The following PPM1B variants were observed in gnomAD, a reference collection of about 807,000 sequenced individuals.
PPM1B encodes the protein protein phosphatase 1B.
A neutral mutation model predicts 43.0 loss-of-function variants in PPM1B; 22 were observed. That is an observed-to-expected ratio of 0.51 (90% CI 0.37 to 0.73). PPM1B has a LOEUF of 0.73. Among genes scored for constraint, PPM1B ranks in the 30% least tolerant of loss-of-function variants. The pLI is 0.00. For synonymous variants in PPM1B, 217 were observed against 197.9 expected, an observed-to-expected ratio of 1.10 and a Z score of -0.81; for missense variants, 632 against 584.2, an observed-to-expected ratio of 1.08 and a Z score of -0.84.
At chr2:44,179,864 C>G (rs1422340194) in intron 1 of PPM1B, among the ~76,000 whole-genome samples, 2 of 151,952 alleles carry the variant, frequency 1.3e-5, no homozygotes, top group Non-Finnish European at 2.9e-5. Flanking sequence ...CAAAAATTAG[C>G]CAGGTGTGGT....
In PPM1B at chr2:44,201,456, G is replaced by C. The variant is rs1264938033; in HGVS notation, c.257G>C (p.Arg86Thr). The C allele has an allele frequency of 1.2e-6, 2 of 1,614,154 alleles. No homozygotes were observed. Among genetic ancestry groups the C allele is most frequent in the South Asian group, 2.2e-5 (2 of 91,086 alleles). ...CACATCACTACTAACGAAGACTTTA[G>C]GGCAGCTGGAAAATCAGGATCTGCT... The part of the protein sequence containing the change: ...LEHITTNEDF[R>T]AAGKSGSALE... The change falls in exon 2 of 6, where the codon AGG (arginine) becomes ACG (threonine). Residue 86 changes from arginine to threonine, a missense_variant. Arg to Thr is a moderately conservative substitution (Grantham distance 71). Transcript: ENST00000282412. The surrounding 1 kb of genome is among the most constrained non-coding windows in gnomAD (Gnocchi z 5.4).
At chr2:44,203,626 G>T (rs560884285) in intron 2 of PPM1B, among the ~76,000 whole-genome samples, 1 of 152,216 alleles carries the variant, frequency 6.6e-6, no homozygotes, top group South Asian at 2.1e-4. Context: ...CTGTGAGTGT[G>T]TGTATTTTTA....
At chr2:44,213,328 T>A (rs1197640734) in intron 3 of PPM1B, among the ~76,000 whole-genome samples, 1 of 151,842 alleles carries the variant, frequency 6.6e-6, no homozygotes, top group Admixed American at 6.6e-5. Context: ...CCTAACACTT[T>A]TATGTTTTGA....
chr2:44,178,374 C>G (rs747043687), intron 1 of PPM1B, among the ~76,000 whole-genome samples: 5 of 150,398 alleles, frequency 3.3e-5, no homozygotes, highest in African/African-American at 1.2e-4. Context: ...ATCTTATAGC[C>G]CTAACTAGAT....
intron 2 of PPM1B, among the ~76,000 whole-genome samples, chr2:44,202,891 CAATTAA>C (rs1669005915): frequency 6.6e-6 from 1 of 152,050 alleles, no homozygotes; most frequent in Admixed American, 6.6e-5. Flanking sequence ...ATATATAATT[CAATTAA>C]AATTTGAGTT....
rs925444021 is a variant in PPM1B, at chr2:44,243,056, T to TC, written n.1547-1165dup. ...ACACAATCTCAACCTCATAGGGATT[T>TC]CCCCCCCAAAAAAATCACATCATGC... On this transcript the variant is annotated intron_variant and non_coding_transcript_variant, in intron 5 of 5. Coordinates refer to the PPM1B transcript ENST00000378540. Among the ~76,000 whole-genome samples, 26 of 152,176 alleles carry TC rather than the reference T, an allele frequency of 1.7e-4. 1 individual carries two copies. Among genetic ancestry groups the TC allele is most frequent in the Admixed American group, 6.5e-4 (10 of 15,284 alleles).
At chr2:44,239,619 AGT>A (rs1179897978), downstream of PPM1B, among the ~76,000 whole-genome samples, 1 of 152,158 alleles carries the variant, frequency 6.6e-6, no homozygotes, top group East Asian at 1.9e-4. Context: ...ATCTCATGTA[AGT>A]GTGAAAACCC....
At chr2:44,225,716 G>A (rs1423561334) in intron 5 of PPM1B, among the ~76,000 whole-genome samples, 1 of 152,120 alleles carries the variant, frequency 6.6e-6, no homozygotes, top group Non-Finnish European at 1.5e-5. Flanking sequence ...TAATGCAGTG[G>A]TGCAATCTCG....
intron 3 of PPM1B, among the ~76,000 whole-genome samples, chr2:44,211,003 G>A (rs866854848): frequency 4.2e-4 from 64 of 152,242 alleles, no homozygotes; most frequent in African/African-American, 1.5e-3. Context: ...GGGCGTGGTG[G>A]CAGGTGCCTG....
chr2:44,227,633 C>G (rs1246996551), intron 5 of PPM1B, among the ~76,000 whole-genome samples: 1 of 151,694 alleles, frequency 6.6e-6, no homozygotes, highest in East Asian at 1.9e-4. Context: ...ATTCTCCTGC[C>G]TCAGCCTCCC....
chr2:44,226,605 C>T (rs1415485344), intron 5 of PPM1B, among the ~76,000 whole-genome samples: 2 of 151,908 alleles, frequency 1.3e-5, no homozygotes, highest in Non-Finnish European at 2.9e-5. Flanking sequence ...GGCATGTGTG[C>T]AATTTTAAAA....
At chr2:44,228,092 T>A (rs1273652051) in intron 5 of PPM1B, among the ~76,000 whole-genome samples, 1 of 151,524 alleles carries the variant, frequency 6.6e-6, no homozygotes, top group African/African-American at 2.4e-5. Flanking sequence ...GCTGCTAATT[T>A]TTTGTATTTT....
At chr2:44,202,328 T>TG (rs1453441768) in intron 2 of PPM1B, among the ~76,000 whole-genome samples, 5 of 152,208 alleles carry the variant, frequency 3.3e-5, no homozygotes, top group Non-Finnish European at 7.3e-5. Flanking sequence ...TGACTTTTTC[T>TG]TGACATTGGC....
In PPM1B at chr2:44,196,419, C is replaced by T. The variant is rs188606457; in HGVS notation, c.-14-4767C>T. Reference sequence around the variant, plus strand: ...GACCACTGAGGTAAAGTGCCTTTCTCATTAGATTATGCCAAGAATATAAAC... The same window carrying T: ...GACCACTGAGGTAAAGTGCCTTTCTTATTAGATTATGCCAAGAATATAAAC... On this transcript the variant is annotated intron_variant, in intron 1 of 5. Coordinates refer to ENST00000282412, the MANE Select transcript of PPM1B (RefSeq NM_002706.6). Among the ~76,000 whole-genome samples the T allele has an allele frequency of 4.8e-3, 730 of 152,284 alleles. 3 individuals carry two copies. The highest frequency in any genetic ancestry group is 0.017 in the African/African-American group (697 of 41,560).
At chr2:44,189,007 TA>T (rs1361540770) in intron 1 of PPM1B, among the ~76,000 whole-genome samples, 1 of 152,066 alleles carries the variant, frequency 6.6e-6, no homozygotes, top group African/African-American at 2.4e-5. Flanking sequence ...TAGCTGGGAC[TA>T]CAGGCATGCC....
At chr2:44,171,327 A>G (rs1667332069) in intron 1 of PPM1B, among the ~76,000 whole-genome samples, 1 of 152,250 alleles carries the variant, frequency 6.6e-6, no homozygotes, top group Admixed American at 6.5e-5. Context: ...GGAATAGTGT[A>G]GTGTCCAAGT....
intron 1 of PPM1B, among the ~76,000 whole-genome samples, chr2:44,183,731 C>T (rs887098535): frequency 6.6e-6 from 1 of 152,040 alleles, no homozygotes; most frequent in African/African-American, 2.4e-5. Flanking sequence ...GATTTGGTAT[C>T]TTAGTTTTTT....
chr2:44,179,293 A>G (rs1667743538), intron 1 of PPM1B, among the ~76,000 whole-genome samples: 1 of 152,226 alleles, frequency 6.6e-6, no homozygotes, highest in Non-Finnish European at 1.5e-5. Context: ...AGTCTTGGGT[A>G]TGTCTTTATC....
chr2:44,230,553 A>C lies in PPM1B; in HGVS notation c.1275A>C (p.Gly425=). ...LTSYRLAKVE[G]EESPAEPAAT... is the part of the protein sequence containing the mutation. Reference sequence around the variant, plus strand: ...GTTACAGGCTAGCTAAAGTAGAGGGAGAAGAAAGCCCTGCTGAACCAGCTG... The same window carrying C: ...GTTACAGGCTAGCTAAAGTAGAGGGCGAAGAAAGCCCTGCTGAACCAGCTG... Residue 425 remains glycine (G), a synonymous_variant, in exon 6 of 6, where the codon GGA becomes GGC. Transcript: ENST00000282412. The C allele has an allele frequency of 6.2e-7, 1 of 1,614,158 alleles. No individual in the cohort carries two copies. The highest frequency in any genetic ancestry group is 8.5e-7 in the Non-Finnish European group (1 of 1,180,018).
Sources: gnomAD v4.1 joint callset for allele counts (sites outside exome capture counted in the v4.1 genomes callset) on GRCh38, gnomAD v4.1.1 for gene constraint, Gnocchi (gnomAD v3.1) non-coding constraint, MANE v1.5 for transcripts, NCBI Gene and HGNC (gene_info 2026-07-23, HGNC 2026-07-21) for gene names.